Variants in PLEK2 observed in about 807,000 individuals in gnomAD.
PLEK2 encodes pleckstrin 2.
A neutral mutation model predicts 43.8 loss-of-function variants in PLEK2; 29 were observed. The ratio of observed to expected loss-of-function variants is 0.66; its 90% CI spans 0.49 to 0.90. PLEK2 has a LOEUF of 0.90. Ranked by LOEUF, PLEK2 falls within the 40% of genes least tolerant of loss-of-function variation. The pLI, the probability that PLEK2 is intolerant of heterozygous loss-of-function variation, is 0.00. For synonymous variants in PLEK2, 162 were observed against 173.2 expected (o/e 0.94, Z 0.51); for missense variants, 398 against 448.1 (o/e 0.89, Z 1.01).
At chr14:67,407,743 AC>A (rs1198658712) in intron 1 of PLEK2, among the ~76,000 whole-genome samples, 1 of 152,068 alleles carries the variant, frequency 6.6e-6, no homozygotes, top group Non-Finnish European at 1.5e-5. Flanking sequence ...CACCCGGCAG[AC>A]CCCTAACTTT....
intron 1 of PLEK2, among the ~76,000 whole-genome samples, chr14:67,407,764 GA>G (rs1480310044): frequency 6.6e-6 from 1 of 152,092 alleles, no homozygotes; most frequent in African/African-American, 2.4e-5. Context: ...TAAAGATAAG[GA>G]AACAGAGGCA....
rs141972325 is a variant in PLEK2 at position 67,395,525 on chromosome 14, C to G, written c.266G>C (p.Arg89Pro). Residue 89 changes from arginine to proline, a missense_variant, in exon 3 of 9, where the codon CGA (arginine) becomes CCA (proline). Coordinates refer to ENST00000216446, the MANE Select transcript of PLEK2 (RefSeq NM_016445.3). Reference sequence around the variant, plus strand: ...AAAGGCCCAGGCATCCCGCTCCTCTCGAGAACAGGCCTCCAGGAAGTACTC... The same window carrying G: ...AAAGGCCCAGGCATCCCGCTCCTCTGGAGAACAGGCCTCCAGGAAGTACTC... ...STEYFLEACS[R>P]EERDAWAFEI... 1.4e-5 allele frequency: 22 copies of G among 1,614,154 alleles called. No homozygotes were observed. Among genetic ancestry groups the G allele is most frequent in the Non-Finnish European group, 1.9e-5 (22 of 1,180,002 alleles).
At chr14:67,400,068 T>G (rs750874823) in intron 1 of PLEK2, among the ~76,000 whole-genome samples, 1 of 152,240 alleles carries the variant, frequency 6.6e-6, no homozygotes, top group Non-Finnish European at 1.5e-5. Flanking sequence ...GCTATGATTC[T>G]ATTCCACACT....
At chr14:67,390,560 C>A in intron 7 of PLEK2, 103 bp downstream of exon 7, 1 of 808,772 alleles carries the variant, frequency 1.2e-6, no homozygotes, top group Admixed American at 1.8e-5. Flanking sequence ...CGGCGGGTGC[C>A]AGGGGAAGGC....
chr14:67,393,045 G>T, intron 4 of PLEK2, 105 bp downstream of exon 4: 1 of 971,848 alleles, frequency 1.0e-6, no homozygotes, highest in Non-Finnish European at 1.7e-6. Flanking sequence ...CTGTTGCCCA[G>T]CAGGCAGCTC....
chr14:67,387,662 C>A (rs972534157), intron 8 of PLEK2, among the ~76,000 whole-genome samples: 11 of 152,194 alleles, frequency 7.2e-5, no homozygotes, highest in African/African-American at 2.7e-4. Context: ...TAAGGCCTTC[C>A]AATGGTTATG....
At position 67,387,072 on chromosome 14, in the gene PLEK2, G is replaced by A. The variant is rs1338606554; in HGVS notation, c.*257C>T. ...ACCTACTTTGGTGCCCGAGGAAATG[G>A]CTGTTTGTGATGCTGGGGAAAAGTC... is the stretch of plus-strand genomic sequence containing the variant. On this transcript the variant is annotated 3_prime_UTR_variant, in exon 9 of 9. Coordinates refer to ENST00000216446, the MANE Select transcript of PLEK2 (RefSeq NM_016445.3). The A allele has an allele frequency of 6.5e-6, 2 of 309,444 alleles. No homozygotes were observed. The highest frequency in any genetic ancestry group is 2.2e-5 in the African/African-American group (1 of 45,054). The allele number at this position is 309,444 out of a possible 1,614,324, so 19.2% of individuals were successfully genotyped here.
intron 7 of PLEK2, among the ~76,000 whole-genome samples, chr14:67,390,417 T>C (rs190033143): frequency 6.6e-6 from 1 of 151,986 alleles, no homozygotes; most frequent in East Asian, 1.9e-4. Context: ...CCTCTGAAAA[T>C]GATAAAGATG....
At chr14:67,397,928 GAAAT>G in intron 1 of PLEK2, 102 bp from the exon 2 acceptor site, 1 of 898,450 alleles carries the variant, frequency 1.1e-6, no homozygotes, top group Admixed American at 2.8e-5. Flanking sequence ...CTGTGCTGTG[GAAAT>G]CAGTCTCCAA....
At chr14:67,402,677 C>T (rs1536268) in intron 1 of PLEK2, among the ~76,000 whole-genome samples, 13,280 of 152,182 alleles carry the variant, frequency 0.087, 1,001 homozygotes, top group African/African-American at 0.19. Context: ...GAACATGTGA[C>T]ATTTGTCTCT....
chr14:67,397,873 G>C (rs375392874), intron 1 of PLEK2, 47 bp from the exon 2 acceptor site: 41 of 1,526,550 alleles, frequency 2.7e-5, no homozygotes, highest in Non-Finnish European at 3.6e-5. Context: ...CAGTGGGAGG[G>C]TATGGTGTTC....
At chr14:67,410,345 C>T (rs1358297358) in intron 1 of PLEK2, among the ~76,000 whole-genome samples, 1 of 152,168 alleles carries the variant, frequency 6.6e-6, no homozygotes. Flanking sequence ...CAGGGCCCAG[C>T]TATATCAACA....
intron 8 of PLEK2, 28 bp from the exon 9 acceptor site, chr14:67,387,484 C>G (rs1886953594): frequency 2.5e-6 from 4 of 1,594,962 alleles, no homozygotes; most frequent in Admixed American, 1.8e-5. Flanking sequence ...GGAAAAAAAT[C>G]AGTGATTGAA....
rs539077776 is a variant in PLEK2 at position 67,387,930 on chromosome 14, C to T, written c.934+294G>A. 9.1e-4 allele frequency among the ~76,000 whole-genome samples: 138 copies of T among 152,282 alleles called. 1 individual carries two copies. The highest frequency in any genetic ancestry group is 3.9e-3 in the South Asian group (19 of 4,818). On this transcript the variant is annotated intron_variant, in intron 8 of 8. Coordinates refer to ENST00000216446, the MANE Select transcript of PLEK2 (RefSeq NM_016445.3). ...GATACATATTAAGGTATGTTGTTAA[C>T]CCTAAAGCATTGTGTAAGCCTCACC...
Position 67,412,151 on chromosome 14 carries a change from C to A in PLEK2, c.-92G>T. 2.6e-6 allele frequency: 3 copies of A among 1,172,726 alleles called. No homozygotes were observed. The highest frequency in any genetic ancestry group is 3.9e-5 in the South Asian group (2 of 50,640). 72.6% of individuals were successfully genotyped at this position (1,172,726 alleles called of 1,614,324 possible). A position where few individuals can be genotyped will look rare whatever the true frequency, so the allele number is the denominator to read the frequency against. On this transcript the variant is annotated 5_prime_UTR_variant, in exon 1 of 9. Coordinates refer to ENST00000216446, the MANE Select transcript of PLEK2 (RefSeq NM_016445.3). The stretch of plus-strand genomic sequence containing the variant: ...GCGCAGCCCGCGCAGTCCGCGCCCA[C>A]GGCGCCCAGGAAGCAGCTCCGACGC...
At chr14:67,393,425 C>T (rs565921225) in intron 3 of PLEK2, among the ~76,000 whole-genome samples, 184 bp from the exon 4 acceptor site, 1 of 152,120 alleles carries the variant, frequency 6.6e-6, no homozygotes, top group East Asian at 1.9e-4. Context: ...GAAGTGAAGC[C>T]GCCATGATGA....
intron 8 of PLEK2, among the ~76,000 whole-genome samples, chr14:67,387,902 TATGATACATATTA>T (rs1477332273): frequency 6.6e-6 from 1 of 152,212 alleles, no homozygotes; most frequent in East Asian, 1.9e-4. Flanking sequence ...AAATTAGTAT[TATGATACATATTA>T]AGGTATGTTG....
rs369803075 is a variant in PLEK2 at position 67,393,235 on chromosome 14, A to T, written c.396T>A (p.Ile132=). Residue 132 remains isoleucine, a synonymous_variant, in exon 4 of 9, where the codon ATT becomes ATA. Transcript: ENST00000216446. ...KLPPHISLHR[I]VDKMHDSNTG... is the part of the protein sequence containing the mutation. ...TGTTGCTATCGTGCATCTTGTCCAC[A>T]ATGCGACTACATGGAAGGGAAGGCA... is the stretch of plus-strand genomic sequence containing the variant. 6.2e-6 allele frequency: 10 copies of T among 1,612,380 alleles called. No homozygotes were observed. The African/African-American group carries it at 1.3e-4, about 22-fold the overall frequency.
chr14:67,387,238 G>C lies in PLEK2; in HGVS notation c.*91C>G. On this transcript the variant is annotated 3_prime_UTR_variant, in exon 9 of 9. Coordinates refer to ENST00000216446, the MANE Select transcript of PLEK2 (RefSeq NM_016445.3). ...TCCAAAGCAGTACAAAACTTACAAA[G>C]AAGTCAAAAGTCTTAACACTCCCAT... The C allele has an allele frequency of 1.6e-6, 2 of 1,277,138 alleles. No individual in the cohort carries two copies. Among genetic ancestry groups the C allele is most frequent in the Non-Finnish European group, 2.2e-6 (2 of 925,956 alleles). 79.1% of individuals were successfully genotyped at this position (1,277,138 alleles called of 1,614,324 possible).
Sources: allele counts gnomAD v4.1 joint callset (sites outside exome capture counted in the v4.1 genomes callset), GRCh38; gene constraint gnomAD v4.1.1; transcripts MANE v1.5; gene names NCBI Gene and HGNC (gene_info 2026-07-23, HGNC 2026-07-21).